EYS: variants seen among roughly 807,000 people sequenced by gnomAD.
EYS encodes the protein EGF-like photoreceptor maintenance factor.
Under a neutral mutation model 282.1 loss-of-function variants are expected in EYS, and 250 were observed. The observed-to-expected ratio is 0.89, with a 90% confidence interval of 0.80 to 0.98. The LOEUF is 0.98. Among genes scored for constraint, EYS ranks in the 50% least tolerant of loss-of-function variants. EYS has a pLI of 0.00. For missense variants in EYS, 4,016 were observed against 3,709.0 expected (o/e 1.08, Z -2.15); for synonymous variants, 1,355 against 1,282.9 (o/e 1.06, Z -1.20).
intron 22 of EYS, among the ~76,000 whole-genome samples, chr6:64,763,607 C>T (rs1020500389): frequency 3.3e-5 from 5 of 152,142 alleles, no homozygotes; most frequent in Admixed American, 2.0e-4. Context: ...TCCTAAATCT[C>T]ATGTCCTGAC....
At chr6:64,560,505 G>A (rs60501413) in intron 26 of EYS, among the ~76,000 whole-genome samples, 1 of 151,802 alleles carries the variant, frequency 6.6e-6, no homozygotes, top group Non-Finnish European at 1.5e-5. Context: ...CTTTCAATTC[G>A]CTTATTCTCT....
chr6:64,120,646 G>A (rs986955715), intron 31 of EYS, among the ~76,000 whole-genome samples: 31 of 152,076 alleles, frequency 2.0e-4, no homozygotes, highest in African/African-American at 6.3e-4. Flanking sequence ...AATCGACTGG[G>A]AGTCAGGAGG....
At chr6:65,013,641 C>T (rs937204344) in intron 13 of EYS, among the ~76,000 whole-genome samples, 1 of 151,952 alleles carries the variant, frequency 6.6e-6, no homozygotes, top group South Asian at 2.1e-4. Flanking sequence ...TTTGGGAGGC[C>T]AAGGTGGGAG....
At chr6:65,648,175 A>G (rs934593204) in intron 1 of EYS, among the ~76,000 whole-genome samples, 2 of 152,208 alleles carry the variant, frequency 1.3e-5, no homozygotes, top group African/African-American at 4.8e-5. Flanking sequence ...TTCCATTACT[A>G]GGTATCTACC....
rs1194618509 is a variant in EYS at position 65,495,314 on chromosome 6, G to A, written c.97C>T (p.His33Tyr). 2.5e-6 allele frequency: 4 copies of A among 1,614,012 alleles called. No homozygotes were observed. The highest frequency in any genetic ancestry group is 2.5e-6 in the Non-Finnish European group (3 of 1,180,006). The change falls in exon 4 of 43, where the codon CAT becomes TAT. Residue 33 changes from histidine to tyrosine, a missense_variant. Physicochemically the swap from His to Tyr is moderately conservative, Grantham distance 83. Coordinates refer to ENST00000503581, the MANE Select transcript of EYS (RefSeq NM_001142800.2). The part of the protein sequence containing the change: ...TCRRQLVEEW[H>Y]PQPSSYVVNW... Reference sequence around the variant, plus strand: ...ACCACATATGATGAGGGTTGTGGATGCCATTCTTCCACCAATTGCCGTCTA... The same window carrying A: ...ACCACATATGATGAGGGTTGTGGATACCATTCTTCCACCAATTGCCGTCTA...
Position 65,204,904 on chromosome 6 carries a change from T to TTTATATATTCTGGAAGAAC in EYS, c.2023+90958_2023+90959insGTTCTTCCAGAATATATAA, listed in dbSNP as rs1562021158. Reference sequence around the variant, plus strand: ...AACGTATTTATATATTCTGGAAGAATGTATTTATATATTCTTTATATATTC... The same window carrying TTTATATATTCTGGAAGAAC: ...AACGTATTTATATATTCTGGAAGAATTTATATATTCTGGAAGAACGTATTTATATATTCTTTATATATTC... On this transcript the variant is annotated intron_variant, in intron 12 of 42. Transcript: ENST00000503581. 6.5e-3 allele frequency among the ~76,000 whole-genome samples: 615 copies of TTTATATATTCTGGAAGAAC among 95,224 alleles called. 7 individuals carry two copies. Among genetic ancestry groups the TTTATATATTCTGGAAGAAC allele is most frequent in the African/African-American group, 0.023 (543 of 24,128 alleles). The allele number at this position is 95,224 out of a possible 152,430, so 62.5% of individuals were successfully genotyped here. A position where few individuals can be genotyped will look rare whatever the true frequency, so the allele number is the denominator to read the frequency against.
intron 33 of EYS, among the ~76,000 whole-genome samples, chr6:64,057,385 T>G (rs1771021272): frequency 6.6e-6 from 1 of 151,802 alleles, no homozygotes; most frequent in Non-Finnish European, 1.5e-5. Context: ...AAGGTTTTTT[T>G]TTTTTTTTTA....
At chr6:65,555,019 A>G (rs1277318655) in intron 2 of EYS, among the ~76,000 whole-genome samples, 1 of 152,058 alleles carries the variant, frequency 6.6e-6, no homozygotes, top group African/African-American at 2.4e-5. Context: ...GAAAAAAAAA[A>G]AGAAACAATT....
Position 64,461,750 on chromosome 6 carries a change from C to T in EYS, c.5645-22398G>A, listed in dbSNP as rs185725599. On this transcript the variant is annotated intron_variant, in intron 26 of 42. Transcript: ENST00000503581. The stretch of plus-strand genomic sequence containing the variant: ...ACCTAGTTTGAATGTGGACTCATTA[C>T]TTTATAGTTGTGTAAATTTTGGAAA... Among the ~76,000 whole-genome samples the T allele has an allele frequency of 1.2e-4, 19 of 152,076 alleles. No homozygotes were observed. The East Asian group carries it at 3.7e-3, about 29-fold the overall frequency.
In EYS at chr6:65,191,378, A is replaced by G. The variant is rs529067550; in HGVS notation, c.2023+104485T>C. Among the ~76,000 whole-genome samples, 45 of 152,004 alleles carry G rather than the reference A, an allele frequency of 3.0e-4. 1 individual carries two copies. Among genetic ancestry groups the G allele is most frequent in the African/African-American group, 1.1e-3 (44 of 41,530 alleles). ...TTTTGTTGTGGCAAAAGAACAAAAA[A>G]TGGAATGGGTATTTTAGACCACAGT... On this transcript the variant is annotated intron_variant, in intron 12 of 42. Coordinates refer to ENST00000503581, the MANE Select transcript of EYS (RefSeq NM_001142800.2).
intron 29 of EYS, among the ~76,000 whole-genome samples, chr6:64,345,879 A>T (rs1771367754): frequency 6.6e-6 from 1 of 152,146 alleles, no homozygotes; most frequent in South Asian, 2.1e-4. Context: ...ACCCTATCAA[A>T]AAGTGGGCGA....
At chr6:65,106,675 T>G (rs1775047659) in intron 12 of EYS, among the ~76,000 whole-genome samples, 1 of 152,128 alleles carries the variant, frequency 6.6e-6, no homozygotes, top group African/African-American at 2.4e-5. Flanking sequence ...ATTGGCTTTT[T>G]AAAATATTAA....
chr6:64,977,410 A>T (rs1489109581), intron 14 of EYS, among the ~76,000 whole-genome samples: 2 of 151,936 alleles, frequency 1.3e-5, no homozygotes, highest in African/African-American at 4.8e-5. Context: ...GCGTCTGACT[A>T]CTTCAACAAC....
intron 2 of EYS, among the ~76,000 whole-genome samples, 164 bp from the exon 3 acceptor site, chr6:65,496,157 T>C (rs933697858): frequency 6.6e-6 from 1 of 152,064 alleles, no homozygotes; most frequent in Non-Finnish European, 1.5e-5. Context: ...TGCAAATGAC[T>C]AACCTAGAAT....
intron 31 of EYS, among the ~76,000 whole-genome samples, chr6:64,170,549 C>T (rs116344252): frequency 0.016 from 2,380 of 151,622 alleles, 62 homozygotes; most frequent in African/African-American, 0.054. Flanking sequence ...GGCTGCATCG[C>T]TGCCTTGTAG....
At chr6:63,988,297 G>A (rs1767458997) in intron 34 of EYS, among the ~76,000 whole-genome samples, 1 of 151,624 alleles carries the variant, frequency 6.6e-6, no homozygotes, top group Non-Finnish European at 1.5e-5. Flanking sequence ...ACCTTTCACT[G>A]TTTTGACAAG....
chr6:64,895,381 A>G (rs745973727), intron 18 of EYS, among the ~76,000 whole-genome samples: 4 of 152,164 alleles, frequency 2.6e-5, no homozygotes, highest in Non-Finnish European at 4.4e-5. Context: ...TGAAAGACCT[A>G]AATAAATAGA....
chr6:65,317,821 C>CCTTCCTTCCTTCCTTCCTTCCTTCCTTT lies in EYS; in HGVS notation c.1766+17158_1766+17159insAAAGGAAGGAAGGAAGGAAGGAAGGAAG, dbSNP rs1769340973. The stretch of plus-strand genomic sequence containing the variant: ...TCCTTCCTTCCTTCCTTCCTTCCTT[C>CCTTCCTTCCTTCCTTCCTTCCTTCCTTT]CTTCCTTTCTTTCTTTCTTTCTTTC... On this transcript the variant is annotated intron_variant, in intron 11 of 42. Coordinates refer to ENST00000503581, the MANE Select transcript of EYS (RefSeq NM_001142800.2). Among the ~76,000 whole-genome samples, 3 of 51,534 alleles carry CCTTCCTTCCTTCCTTCCTTCCTTCCTTT rather than the reference C, an allele frequency of 5.8e-5. 1 individual carries two copies. Among genetic ancestry groups the CCTTCCTTCCTTCCTTCCTTCCTTCCTTT allele is most frequent in the Admixed American group, 2.1e-4 (1 of 4,706 alleles). The allele number at this position is 51,534 out of a possible 152,430, so 33.8% of individuals were successfully genotyped here.
intron 2 of EYS, among the ~76,000 whole-genome samples, chr6:65,574,274 A>G (rs1764580511): frequency 6.6e-6 from 1 of 152,178 alleles, no homozygotes. Flanking sequence ...AGGAAAGTCA[A>G]AGGTCTCCAA....
Sources: allele counts gnomAD v4.1 joint callset (sites outside exome capture counted in the v4.1 genomes callset), GRCh38; gene constraint gnomAD v4.1.1; transcripts MANE v1.5; gene names NCBI Gene and HGNC (gene_info 2026-07-23, HGNC 2026-07-21).